Variants in PDE8B observed in about 807,000 individuals in gnomAD.
PDE8B encodes phosphodiesterase 8B.
PDE8B carries 26 observed loss-of-function variants against 101.3 expected under a neutral mutation model. The ratio of observed to expected loss-of-function variants is 0.26; its 90% CI spans 0.19 to 0.36. The LOEUF is 0.36. Ranked by LOEUF, PDE8B falls within the 10% of genes least tolerant of loss-of-function variation. The pLI, the probability that PDE8B is intolerant of heterozygous loss-of-function variation, is 1.00. For synonymous variants in PDE8B, 424 were observed against 429.3 expected, an observed-to-expected ratio of 0.99 and a Z score of 0.15; for missense variants, 810 against 1,163.1, an observed-to-expected ratio of 0.70 and a Z score of 4.42.
the PDE8B span, among the ~76,000 whole-genome samples, chr5:77,203,303 C>T: frequency 1.8e-4 from 28 of 152,294 alleles, no homozygotes; most frequent in African/African-American, 6.3e-4. Flanking sequence ...TGGCATCTCC[C>T]GGATAATTTC....
At chr5:77,276,200 C>G (rs1043683456) in intron 1 of PDE8B, among the ~76,000 whole-genome samples, 11 of 152,152 alleles carry the variant, frequency 7.2e-5, no homozygotes, top group African/African-American at 2.4e-4. Context: ...GCACTGATGT[C>G]CTTCCTGTTT....
At chr5:77,293,521 TCTGAGTGTGCGATATGATGTGTTAAG>T (rs1161163488) in intron 1 of PDE8B, among the ~76,000 whole-genome samples, 1 of 152,194 alleles carries the variant, frequency 6.6e-6, no homozygotes, top group African/African-American at 2.4e-5. Context: ...ACTCAGATAG[TCTGAGTGTGCGATATGATGTGTTAAG>T]GCACAGGTTC....
chr5:77,401,632 C>T (rs1240636381), intron 11 of PDE8B, among the ~76,000 whole-genome samples: 1 of 151,836 alleles, frequency 6.6e-6, no homozygotes, highest in African/African-American at 2.4e-5. Flanking sequence ...TAGCACAATG[C>T]CTGTCACAAA....
chr5:77,256,417 C>T (rs991885305), intron 1 of PDE8B, among the ~76,000 whole-genome samples: 8 of 152,220 alleles, frequency 5.3e-5, no homozygotes, highest in Non-Finnish European at 1.0e-4. Context: ...CCCTCTACTT[C>T]AGTGCATCTG....
intron 1 of PDE8B, among the ~76,000 whole-genome samples, chr5:77,281,033 A>G (rs1442079861): frequency 3.3e-5 from 5 of 152,234 alleles, no homozygotes; most frequent in African/African-American, 1.2e-4. Flanking sequence ...GAGGGGCTGG[A>G]GGTGTGCTTG....
At chr5:77,204,136 G>A in the PDE8B span, among the ~76,000 whole-genome samples, 1 of 149,618 alleles carries the variant, frequency 6.7e-6, no homozygotes, top group East Asian at 2.0e-4. Context: ...GAGGCTGGGC[G>A]CAGTGGCTCA....
In PDE8B at chr5:77,340,600, AGTGTGTGTGTGTGT is replaced by A. The variant is rs34764404; in HGVS notation, c.797+3314_797+3327del. ...CTACCCTTGTTCCAGGCAGCCTCAC[AGTGTGTGTGTGTGT>A]GTGTGTGTGTGTGTGTGTGTGTGTG... is the stretch of plus-strand genomic sequence containing the variant. On this transcript the variant is annotated intron_variant, in intron 6 of 21. Transcript: ENST00000264917. 2.1e-3 allele frequency among the ~76,000 whole-genome samples: 290 copies of A among 140,170 alleles called. 4 individuals carry two copies. In the East Asian group the frequency reaches 0.041, roughly 20 times the overall value. The allele number at this position is 140,170 out of a possible 152,430, so 92.0% of individuals were successfully genotyped here. A position where few individuals can be genotyped will look rare whatever the true frequency, so the allele number is the denominator to read the frequency against.
Position 77,407,664 on chromosome 5 carries a change from G to A in PDE8B, c.1365+207G>A, listed in dbSNP as rs528115892. 1.4e-4 allele frequency among the ~76,000 whole-genome samples: 21 copies of A among 152,328 alleles called. No homozygotes were observed. The Middle Eastern group carries it at 0.01, about 74-fold the overall frequency. On this transcript the variant is annotated intron_variant, in intron 13 of 21. Transcript: ENST00000264917. ...AAGCGGGTTCTGTGAGAGAAAATTA[G>A]AGTAGGGCCCTTAAGTAGGTTGGAA...
At chr5:77,166,400 A>T in the PDE8B span, among the ~76,000 whole-genome samples, 3 of 152,306 alleles carry the variant, frequency 2.0e-5, no homozygotes, top group African/African-American at 7.2e-5. Context: ...ATCCTGCCCC[A>T]GTGAGTACAC....
chr5:77,238,466 G>A (rs929717517), intron 1 of PDE8B, among the ~76,000 whole-genome samples: 2 of 151,968 alleles, frequency 1.3e-5, no homozygotes, highest in African/African-American at 4.8e-5. Flanking sequence ...CTTTCCAGTT[G>A]GTTCAAGTGT....
the PDE8B span, among the ~76,000 whole-genome samples, chr5:77,125,365 A>G: frequency 6.6e-6 from 1 of 152,214 alleles, no homozygotes; most frequent in South Asian, 2.1e-4. Context: ...TGCTGGTGGG[A>G]ATATAAAATT....
At chr5:77,184,049 G>C in the PDE8B span, among the ~76,000 whole-genome samples, 645 of 151,946 alleles carry the variant, frequency 4.2e-3, 5 homozygotes, top group African/African-American at 0.014. Flanking sequence ...CTCACTGCAG[G>C]CTTGACCTCC....
At chr5:77,360,518 A>G (rs1482064167) in intron 10 of PDE8B, among the ~76,000 whole-genome samples, 1 of 152,246 alleles carries the variant, frequency 6.6e-6, no homozygotes, top group Non-Finnish European at 1.5e-5. Flanking sequence ...TTCACCTCAC[A>G]TGAAGGAATC....
At chr5:77,342,295 T>C (rs1338455966) in intron 6 of PDE8B, among the ~76,000 whole-genome samples, 1 of 152,206 alleles carries the variant, frequency 6.6e-6, no homozygotes, top group East Asian at 1.9e-4. Context: ...TCTGTTTTGA[T>C]CTTTACAAAA....
At chr5:77,378,008 C>CTA (rs1219471000) in intron 10 of PDE8B, among the ~76,000 whole-genome samples, 1 of 93,710 alleles carries the variant, frequency 1.1e-5, no homozygotes, top group African/African-American at 5.9e-5. Context: ...CCCTCTCTCT[C>CTA]TACACACACA....
the PDE8B span, among the ~76,000 whole-genome samples, chr5:77,160,619 A>C: frequency 6.6e-6 from 1 of 152,040 alleles, no homozygotes; most frequent in Non-Finnish European, 1.5e-5. Context: ...TTTTACAATT[A>C]TTTAACGGTA....
At chr5:77,108,344 T>A in the PDE8B span, among the ~76,000 whole-genome samples, 6 of 152,228 alleles carry the variant, frequency 3.9e-5, no homozygotes, top group African/African-American at 1.2e-4. Context: ...ACTATTCATT[T>A]CTTTGACAGG....
chr5:77,171,209 G>C, the PDE8B span, among the ~76,000 whole-genome samples: 4 of 152,300 alleles, frequency 2.6e-5, no homozygotes, highest in Middle Eastern at 6.8e-3. Flanking sequence ...CATTGGGGAG[G>C]TATTCCAGGC....
At chr5:77,304,334 G>A (rs978913567) in intron 1 of PDE8B, among the ~76,000 whole-genome samples, 5 of 152,034 alleles carry the variant, frequency 3.3e-5, no homozygotes, top group African/African-American at 7.2e-5. Flanking sequence ...TTCCTCTCCT[G>A]TAAATTTCTT....
Sources: gnomAD v4.1 joint callset for allele counts (sites outside exome capture counted in the v4.1 genomes callset) on GRCh38, gnomAD v4.1.1 for gene constraint, MANE v1.5 for transcripts, NCBI Gene and HGNC (gene_info 2026-07-23, HGNC 2026-07-21) for gene names.